Variants in CSGALNACT1 observed in about 807,000 individuals in gnomAD.
The protein encoded by CSGALNACT1 is chondroitin sulfate N-acetylgalactosaminyltransferase 1.
A neutral mutation model predicts 51.0 loss-of-function variants in CSGALNACT1; 52 were observed. The observed-to-expected ratio is 1.02, with a 90% CI of 0.82 to 1.29. The LOEUF is 1.29. Among genes scored for constraint, CSGALNACT1 ranks in the 50% most tolerant of loss-of-function variants. The pLI, the probability that CSGALNACT1 is intolerant of heterozygous loss-of-function variation, is 0.00. For synonymous variants in CSGALNACT1, 341 were observed against 254.4 expected, an observed-to-expected ratio of 1.34 and a Z score of -3.24; for missense variants, 935 against 679.2, an observed-to-expected ratio of 1.38 and a Z score of -4.19.
intron 2 of CSGALNACT1, among the ~76,000 whole-genome samples, chr8:19,599,472 AAAAGAAAGAAAGAAAG>A (rs201098374): frequency 0.04 from 4,540 of 113,776 alleles, 112 homozygotes; most frequent in Non-Finnish European, 0.046. Context: ...GAAAGAAAGA[AAAAGAAAGAAAGAAAG>A]AAAGAAAGAA....
intron 4 of CSGALNACT1, among the ~76,000 whole-genome samples, chr8:19,462,351 T>TC (rs1339428321): frequency 6.6e-6 from 1 of 151,832 alleles, no homozygotes; most frequent in Non-Finnish European, 1.5e-5. Flanking sequence ...AATGATTTTT[T>TC]TTTCCCAATG....
At chr8:19,404,673 T>C (rs2053813702) in exon 10 of CSGALNACT1, 2 of 453,990 alleles carry the variant, frequency 4.4e-6, no homozygotes, top group African/African-American at 2.0e-5. Flanking sequence ...AGGAGCACCC[T>C]GTTTTGAAAA....
intron 4 of CSGALNACT1, among the ~76,000 whole-genome samples, chr8:19,495,960 CA>C (rs1293456346): frequency 6.6e-6 from 1 of 152,104 alleles, no homozygotes; most frequent in Non-Finnish European, 1.5e-5. Flanking sequence ...GGACTTGTGT[CA>C]AAACTGGAAT....
exon 4 of CSGALNACT1, chr8:19,505,839 G>C (rs764124956): frequency 2.5e-6 from 4 of 1,609,310 alleles, no homozygotes; most frequent in East Asian, 2.2e-5. Flanking sequence ...CATCATTCAG[G>C]AATCAGCCAT....
At chr8:19,601,346 C>G (rs1245927355) in intron 2 of CSGALNACT1, among the ~76,000 whole-genome samples, 3 of 152,124 alleles carry the variant, frequency 2.0e-5, no homozygotes, top group African/African-American at 7.2e-5. Context: ...CTAGCAAAGT[C>G]AAAATTAGAG....
chr8:19,574,951 C>T, intron 3 of CSGALNACT1, among the ~76,000 whole-genome samples: 1 of 151,978 alleles, frequency 6.6e-6, no homozygotes, highest in Non-Finnish European at 1.5e-5. Context: ...AGGAGAATCT[C>T]TTGAACCCTG....
intron 1 of CSGALNACT1, chr8:19,688,661 A>G (rs891383549): frequency 1.3e-5 from 2 of 152,232 alleles, no homozygotes; most frequent in Non-Finnish European, 2.9e-5. Context: ...AAGCTGATAA[A>G]ATAGATAGGA....
At chr8:19,529,894 AAT>A (rs2082405605) in intron 3 of CSGALNACT1, among the ~76,000 whole-genome samples, 1 of 152,172 alleles carries the variant, frequency 6.6e-6, no homozygotes, top group South Asian at 2.1e-4. Context: ...TTATTTGTAT[AAT>A]TTTTACAATT....
chr8:19,436,131 A>C (rs983793838), intron 6 of CSGALNACT1, among the ~76,000 whole-genome samples: 1 of 152,246 alleles, frequency 6.6e-6, no homozygotes, highest in Non-Finnish European at 1.5e-5. Context: ...AGAGAGTGTG[A>C]AATATTGCAT....
chr8:19,472,019 G>C (rs1398270680), intron 4 of CSGALNACT1, among the ~76,000 whole-genome samples: 1 of 152,142 alleles, frequency 6.6e-6, no homozygotes, highest in Non-Finnish European at 1.5e-5. Flanking sequence ...AGAAATGGCA[G>C]ATCCATCTAT....
intron 4 of CSGALNACT1, among the ~76,000 whole-genome samples, chr8:19,490,326 G>C (rs2074077586): frequency 6.6e-6 from 1 of 152,180 alleles, no homozygotes; most frequent in South Asian, 2.1e-4. Flanking sequence ...GAGAGGAAAA[G>C]AGAGAGACAG....
At chr8:19,523,131 G>A (rs113322945) in intron 3 of CSGALNACT1, among the ~76,000 whole-genome samples, 1,866 of 152,238 alleles carry the variant, frequency 0.012, 38 homozygotes, top group African/African-American at 0.042. Context: ...TCCATCTCAC[G>A]TAACAGTGAC....
intron 3 of CSGALNACT1, among the ~76,000 whole-genome samples, chr8:19,518,216 A>C (rs1388121873): frequency 1.3e-5 from 2 of 152,196 alleles, no homozygotes; most frequent in African/African-American, 2.4e-5. Flanking sequence ...CTTTCTTTTA[A>C]ATGAAAAGCA....
chr8:19,428,215 G>A (rs13258090), intron 6 of CSGALNACT1, among the ~76,000 whole-genome samples: 71,422 of 151,932 alleles, frequency 0.47, 18,064 homozygotes, highest in East Asian at 0.82. Context: ...CACCAGCATC[G>A]GAGTCTGTAT....
Position 19,406,110 on chromosome 8 carries a change from T to C in CSGALNACT1, c.1310-41A>G, listed in dbSNP as rs998656256. ...ACACTGTTGAATCACACTGCACTGA[T>C]CTGTTTTGCTTCCCTGAGTTGCAAC... On this transcript the variant is annotated intron_variant, in intron 9 of 9. Transcript: ENST00000454498. 4.3e-6 allele frequency: 7 copies of C among 1,612,358 alleles called. No individual in the cohort carries two copies. In the African/African-American group the frequency reaches 6.7e-5, roughly 15 times the overall value.
chr8:19,743,462 A>C (rs2064443254), intron 1 of CSGALNACT1, among the ~76,000 whole-genome samples: 2 of 152,240 alleles, frequency 1.3e-5, no homozygotes, highest in South Asian at 4.1e-4. Flanking sequence ...TATCAAAGAT[A>C]CTAGAGTGAG....
At chr8:19,424,105 T>C (rs1007603042) in intron 6 of CSGALNACT1, among the ~76,000 whole-genome samples, 1 of 152,136 alleles carries the variant, frequency 6.6e-6, no homozygotes, top group South Asian at 2.1e-4. Flanking sequence ...GCAGTATGGG[T>C]CCATGTTAGA....
chr8:19,754,415 A>T (rs1004548918), intron 1 of CSGALNACT1, among the ~76,000 whole-genome samples: 1 of 152,206 alleles, frequency 6.6e-6, no homozygotes, highest in African/African-American at 2.4e-5. Flanking sequence ...TCTATTTAGG[A>T]AATAAAACCA....
At chr8:19,491,625 T>G (rs2074378605) in intron 4 of CSGALNACT1, among the ~76,000 whole-genome samples, 1 of 152,246 alleles carries the variant, frequency 6.6e-6, no homozygotes, top group South Asian at 2.1e-4. Flanking sequence ...GTATCTCTTT[T>G]GTGATCCGTT....
Sources: allele counts gnomAD v4.1 joint callset (sites outside exome capture counted in the v4.1 genomes callset), GRCh38; gene constraint gnomAD v4.1.1; transcripts MANE v1.5; gene names NCBI Gene and HGNC (gene_info 2026-07-23, HGNC 2026-07-21).